PTPRD: variants seen among roughly 807,000 people sequenced by gnomAD.
PTPRD encodes receptor-type tyrosine-protein phosphatase delta.
In PTPRD, 34 loss-of-function variants were observed where a neutral mutation model predicts 214.5. That is an observed-to-expected ratio of 0.16 (90% confidence interval 0.12 to 0.21). The LOEUF (loss-of-function observed/expected upper bound fraction) is 0.21. Ranked by LOEUF, PTPRD falls within the 10% of genes least tolerant of loss-of-function variation. PTPRD has a pLI of 1.00. For missense variants in PTPRD, 2,545 were observed against 2,398.7 expected, an observed-to-expected ratio of 1.06 and a Z score of -1.27; for synonymous variants, 1,128 against 845.7, an observed-to-expected ratio of 1.33 and a Z score of -5.79.
intron 35 of PTPRD, among the ~76,000 whole-genome samples, chr9:8,409,723 C>T (rs954645979): frequency 2.0e-5 from 3 of 152,100 alleles, no homozygotes; most frequent in South Asian, 4.1e-4. Flanking sequence ...TCCCTCATCC[C>T]GCCAAGAGAA....
At chr9:9,560,658 G>T (rs971965977) in intron 8 of PTPRD, among the ~76,000 whole-genome samples, 2 of 152,214 alleles carry the variant, frequency 1.3e-5, no homozygotes, top group Non-Finnish European at 2.9e-5. Flanking sequence ...TCAGGTCCTA[G>T]GGTCCGGTTC....
intron 7 of PTPRD, among the ~76,000 whole-genome samples, chr9:9,667,802 T>C (rs2096752027): frequency 6.6e-6 from 1 of 152,140 alleles, no homozygotes; most frequent in African/African-American, 2.4e-5. Flanking sequence ...TATTCAGAGG[T>C]CTGTAGGGTA....
chr9:8,836,716 C>A (rs1373530376), intron 11 of PTPRD, among the ~76,000 whole-genome samples: 1 of 150,592 alleles, frequency 6.6e-6, no homozygotes, highest in African/African-American at 2.5e-5. Context: ...CCTGCCTCAG[C>A]CTCCTGAGTA....
chr9:10,327,163 A>G (rs11999139), intron 3 of PTPRD, among the ~76,000 whole-genome samples: 25 of 90,644 alleles, frequency 2.8e-4, no homozygotes, highest in African/African-American at 5.2e-4. Context: ...GTGCACATAT[A>G]TGTGTGTGTA....
At chr9:9,494,439 C>T (rs989648273) in intron 8 of PTPRD, among the ~76,000 whole-genome samples, 2 of 152,156 alleles carry the variant, frequency 1.3e-5, no homozygotes, top group Non-Finnish European at 2.9e-5. Context: ...ATTGCCACAA[C>T]CACCCCAACC....
chr9:9,485,711 C>G (rs2095600773), intron 8 of PTPRD, among the ~76,000 whole-genome samples: 1 of 152,122 alleles, frequency 6.6e-6, no homozygotes, highest in Non-Finnish European at 1.5e-5. Flanking sequence ...GATTCTGGTA[C>G]AAGACTTATT....
intron 14 of PTPRD, among the ~76,000 whole-genome samples, chr9:8,612,098 T>C (rs1362643406): frequency 2.7e-5 from 4 of 149,830 alleles, no homozygotes; most frequent in Non-Finnish European, 4.4e-5. Context: ...TATCAAGACC[T>C]TGTGAAAAGA....
At chr9:9,866,198 A>C (rs1333846824) in intron 5 of PTPRD, among the ~76,000 whole-genome samples, 2 of 152,180 alleles carry the variant, frequency 1.3e-5, no homozygotes, top group Admixed American at 6.5e-5. Context: ...TTTTAATGTT[A>C]GTAATTTGTA....
chr9:9,275,067 T>TATATATATATATA, intron 9 of PTPRD, among the ~76,000 whole-genome samples: 1 of 64,868 alleles, frequency 1.5e-5, no homozygotes, highest in Admixed American at 2.7e-4. Flanking sequence ...ATATATATAT[T>TATATATATATATA]ATATATATAT....
intron 12 of PTPRD, among the ~76,000 whole-genome samples, chr9:8,711,781 T>C (rs903974433): frequency 6.6e-6 from 1 of 152,206 alleles, no homozygotes; most frequent in Admixed American, 6.5e-5. Context: ...TCCCAGCCCA[T>C]AAATGTTTAT....
intron 2 of PTPRD, among the ~76,000 whole-genome samples, chr9:10,496,231 A>G (rs1410111754): frequency 6.6e-6 from 1 of 151,868 alleles, no homozygotes; most frequent in Non-Finnish European, 1.5e-5. Flanking sequence ...TTGTAAGAGC[A>G]CTTGAAGCTA....
At chr9:10,226,069 T>G (rs2099587838) in intron 3 of PTPRD, among the ~76,000 whole-genome samples, 1 of 152,008 alleles carries the variant, frequency 6.6e-6, no homozygotes, top group African/African-American at 2.4e-5. Flanking sequence ...AGAGCAAAAT[T>G]AAGACATAGG....
intron 10 of PTPRD, among the ~76,000 whole-genome samples, chr9:9,044,967 G>A (rs1021901973): frequency 6.6e-6 from 1 of 152,134 alleles, no homozygotes; most frequent in Non-Finnish European, 1.5e-5. Context: ...TTATAAAACA[G>A]AATCAAGATA....
intron 9 of PTPRD, among the ~76,000 whole-genome samples, chr9:9,373,598 T>C (rs534869130): frequency 1.3e-5 from 2 of 152,214 alleles, no homozygotes; most frequent in South Asian, 2.1e-4. Flanking sequence ...CCTTGACTTA[T>C]GGTCACCTCA....
intron 4 of PTPRD, among the ~76,000 whole-genome samples, chr9:10,002,811 T>A (rs973042587): frequency 1.3e-5 from 2 of 151,334 alleles, no homozygotes; most frequent in Non-Finnish European, 3.0e-5. Context: ...AAGACTTCAA[T>A]AACACTACGA....
chr9:10,037,544 A>G (rs2097207284), intron 3 of PTPRD, among the ~76,000 whole-genome samples: 1 of 151,154 alleles, frequency 6.6e-6, no homozygotes, highest in African/African-American at 2.4e-5. Flanking sequence ...TTTTATTTAT[A>G]AATTACCCAG....
At chr9:9,824,870 C>A (rs2052146943) in intron 5 of PTPRD, among the ~76,000 whole-genome samples, 1 of 151,870 alleles carries the variant, frequency 6.6e-6, no homozygotes, top group African/African-American at 2.4e-5. Flanking sequence ...CATGTCCAGG[C>A]ACAAAAATGA....
chr9:9,629,226 A>ATGTGTG (rs1003113739), intron 7 of PTPRD, among the ~76,000 whole-genome samples: 1 of 134,790 alleles, frequency 7.4e-6, no homozygotes, highest in African/African-American at 2.8e-5. Flanking sequence ...GGAGATATAT[A>ATGTGTG]TGTGTGTGTG....
At chr9:8,743,860 G>C (rs2092441027) in intron 11 of PTPRD, among the ~76,000 whole-genome samples, 1 of 150,966 alleles carries the variant, frequency 6.6e-6, no homozygotes, top group Non-Finnish European at 1.5e-5. Context: ...AACCTACAGA[G>C]TGGGAGAAAA....
Sources: gnomAD v4.1 joint callset for allele counts (sites outside exome capture counted in the v4.1 genomes callset) on GRCh38, gnomAD v4.1.1 for gene constraint, MANE v1.5 for transcripts, NCBI Gene and HGNC (gene_info 2026-07-23, HGNC 2026-07-21) for gene names.